The following TRPM3 variants were observed in gnomAD, a reference collection of about 807,000 sequenced individuals.
TRPM3 encodes the protein transient receptor potential cation channel subfamily M member 3.
TRPM3 carries 77 observed loss-of-function variants against 181.2 expected under a neutral mutation model. That is an observed-to-expected ratio of 0.42 (90% CI 0.35 to 0.51). The LOEUF is 0.51. Among genes scored for constraint, TRPM3 ranks in the 20% least tolerant of loss-of-function variants. The probability of loss-of-function intolerance (pLI) is 0.01; values close to 1 mark genes in which losing one functional copy is unlikely to be tolerated. For missense variants in TRPM3, 1,759 were observed against 2,196.7 expected, an observed-to-expected ratio of 0.80 and a Z score of 3.98; for synonymous variants, 745 against 796.4, an observed-to-expected ratio of 0.94 and a Z score of 1.09.
intron 7 of TRPM3, among the ~76,000 whole-genome samples, chr9:70,782,236 GC>G (rs1422219555): frequency 8.1e-5 from 12 of 148,936 alleles, no homozygotes; most frequent in African/African-American, 3.0e-4. Flanking sequence ...ACAGAGTTTC[GC>G]TCTTGTTGCC....
intron 1 of TRPM3, among the ~76,000 whole-genome samples, chr9:71,178,842 C>G (rs905330262): frequency 2.6e-5 from 4 of 152,094 alleles, no homozygotes; most frequent in Non-Finnish European, 5.9e-5. Context: ...CCTGCCTCCA[C>G]TCAGACAGGC....
At chr9:71,383,437 T>G (rs1052794284) in intron 1 of TRPM3, among the ~76,000 whole-genome samples, 1 of 152,148 alleles carries the variant, frequency 6.6e-6, no homozygotes, top group African/African-American at 2.4e-5. Context: ...GAGATAACAG[T>G]AGGAGACTGA....
chr9:70,929,958 G>A (rs1202143336), intron 1 of TRPM3, among the ~76,000 whole-genome samples: 1 of 152,110 alleles, frequency 6.6e-6, no homozygotes, highest in African/African-American at 2.4e-5. Context: ...TAATATGATT[G>A]GTTCTTCACA....
At chr9:70,610,794 A>G (rs1275099344) in intron 18 of TRPM3, 45 bp from the exon 19 acceptor site, 1 of 1,605,744 alleles carries the variant, frequency 6.2e-7, no homozygotes, top group Non-Finnish European at 8.5e-7. Flanking sequence ...GGCTCTGGAG[A>G]GCATGTTGTT....
At chr9:71,206,128 G>A (rs906638735) in intron 1 of TRPM3, among the ~76,000 whole-genome samples, 7 of 152,174 alleles carry the variant, frequency 4.6e-5, no homozygotes, top group Non-Finnish European at 1.5e-5. Context: ...GGATTGCTGG[G>A]TCAAATGGTA....
intron 12 of TRPM3, among the ~76,000 whole-genome samples, chr9:70,626,770 A>G (rs1181579527): frequency 6.6e-6 from 1 of 152,062 alleles, no homozygotes; most frequent in Admixed American, 6.5e-5. Flanking sequence ...ATTAATTAAA[A>G]TTTTTTTGCT....
intron 21 of TRPM3, among the ~76,000 whole-genome samples, chr9:70,594,297 A>G (rs893314426): frequency 6.6e-6 from 1 of 152,142 alleles, no homozygotes; most frequent in Non-Finnish European, 1.5e-5. Flanking sequence ...ATGTATTATT[A>G]TTATTAGAGT....
chr9:70,880,472 C>T (rs1195010600), intron 1 of TRPM3, among the ~76,000 whole-genome samples: 2 of 152,084 alleles, frequency 1.3e-5, no homozygotes, highest in Non-Finnish European at 2.9e-5. Flanking sequence ...TGCTAGCTTT[C>T]ATCTTACCCA....
intron 1 of TRPM3, among the ~76,000 whole-genome samples, chr9:71,117,005 A>G (rs759180863): frequency 3.9e-5 from 6 of 152,134 alleles, no homozygotes; most frequent in Non-Finnish European, 7.4e-5. Flanking sequence ...CCTTCTCAGG[A>G]TCTTAATTCT....
intron 1 of TRPM3, among the ~76,000 whole-genome samples, chr9:71,376,315 G>A (rs535948606): frequency 6.6e-6 from 1 of 151,926 alleles, no homozygotes; most frequent in African/African-American, 2.4e-5. Flanking sequence ...AGAATTTTAA[G>A]GCAAATTCTT....
intron 1 of TRPM3, among the ~76,000 whole-genome samples, chr9:71,109,580 G>C (rs2070573684): frequency 6.6e-6 from 1 of 152,126 alleles, no homozygotes; most frequent in Non-Finnish European, 1.5e-5. Flanking sequence ...CTAAGACTCA[G>C]AAAAGTTTTC....
At chr9:70,559,429 T>A (rs999361253) in intron 22 of TRPM3, among the ~76,000 whole-genome samples, 1 of 152,188 alleles carries the variant, frequency 6.6e-6, no homozygotes, top group African/African-American at 2.4e-5. Flanking sequence ...ATTTTTTGGT[T>A]TTTGGTTTTT....
chr9:71,244,735 G>A lies in TRPM3; in HGVS notation c.183+201918C>T, dbSNP rs557937975. Among the ~76,000 whole-genome samples, 17 of 152,250 alleles carry A rather than the reference G, an allele frequency of 1.1e-4. No individual in the cohort carries two copies. The South Asian group carries it at 2.5e-3, about 22-fold the overall frequency. On this transcript the variant is annotated intron_variant, in intron 1 of 24. Coordinates refer to the TRPM3 transcript ENST00000357533. ...GTTGAATTCCTGATATGTGTAAAGC[G>A]CTTTGCTAGGTGCTTGGGGCAGGGA...
intron 1 of TRPM3, among the ~76,000 whole-genome samples, chr9:70,995,573 A>AT (rs1703592484): frequency 6.6e-6 from 1 of 151,830 alleles, no homozygotes; most frequent in Non-Finnish European, 1.5e-5. Context: ...ACTTTTTGAC[A>AT]TTTTTTCTCC....
chr9:71,401,372 T>C (rs900417714), intron 1 of TRPM3, among the ~76,000 whole-genome samples: 1 of 152,022 alleles, frequency 6.6e-6, no homozygotes, highest in Non-Finnish European at 1.5e-5. Context: ...ATCTCAGAGG[T>C]TGACCAGTGT....
intron 25 of TRPM3, among the ~76,000 whole-genome samples, chr9:70,548,262 T>C (rs1375928455): frequency 2.6e-5 from 4 of 152,252 alleles, no homozygotes; most frequent in Non-Finnish European, 5.9e-5. Flanking sequence ...AAAATTGCTT[T>C]ACGTTATATC....
chr9:70,790,655 G>C (rs1305641793), intron 6 of TRPM3, among the ~76,000 whole-genome samples: 1 of 152,140 alleles, frequency 6.6e-6, no homozygotes, highest in Non-Finnish European at 1.5e-5. Flanking sequence ...TTTACAAATA[G>C]TTTCAGAATT....
chr9:71,393,626 G>T (rs956219677), intron 1 of TRPM3, among the ~76,000 whole-genome samples: 2 of 152,142 alleles, frequency 1.3e-5, no homozygotes, highest in African/African-American at 4.8e-5. Context: ...CTGAAGATGT[G>T]ACTTCACAGT....
At chr9:71,214,980 TTTTG>T (rs1176170382) in intron 1 of TRPM3, among the ~76,000 whole-genome samples, 1 of 151,378 alleles carries the variant, frequency 6.6e-6, no homozygotes, top group African/African-American at 2.4e-5. Flanking sequence ...TCTATCATTT[TTTTG>T]TTTATTTACT....
Sources: gnomAD v4.1 joint callset for allele counts (sites outside exome capture counted in the v4.1 genomes callset) on GRCh38, gnomAD v4.1.1 for gene constraint, MANE v1.5 for transcripts, NCBI Gene and HGNC (gene_info 2026-07-23, HGNC 2026-07-21) for gene names.